Variants in ZEB2 observed in about 807,000 individuals in gnomAD.
ZEB2 encodes zinc finger E-box binding homeobox 2.
In ZEB2, 6 loss-of-function variants were observed where a neutral mutation model predicts 99.9. That is an observed-to-expected ratio of 0.06 (90% confidence interval 0.03 to 0.12). ZEB2 has a LOEUF of 0.12. Ranked by LOEUF, ZEB2 falls within the 10% of genes least tolerant of loss-of-function variation. The pLI is 1.00. For missense variants in ZEB2, 969 were observed against 1,502.8 expected (o/e 0.64, Z 5.87); for synonymous variants, 517 against 542.5 (o/e 0.95, Z 0.65).
chr2:144,493,237 T>C (rs1434421721), intron 2 of ZEB2, among the ~76,000 whole-genome samples: 2 of 152,166 alleles, frequency 1.3e-5, no homozygotes, highest in Non-Finnish European at 2.9e-5. Flanking sequence ...GCCCAGAAAC[T>C]GAAGTGCCTC....
At chr2:144,433,453 A>AT (rs1315336836) in intron 2 of ZEB2, among the ~76,000 whole-genome samples, 2 of 152,326 alleles carry the variant, frequency 1.3e-5, no homozygotes, top group Admixed American at 1.3e-4. Context: ...TATGAAGGGC[A>AT]TAAGAATTAC....
At chr2:144,517,457 G>A in intron 1 of ZEB2, 38 bp from the exon 2 acceptor site, 2 of 1,429,762 alleles carry the variant, frequency 1.4e-6, no homozygotes, top group Non-Finnish European at 2.0e-6. Flanking sequence ...GGCATCGCCC[G>A]CGCCCATTGA....
At chr2:144,407,075 G>C (rs2149880688) in intron 4 of ZEB2, among the ~76,000 whole-genome samples, 1 of 152,284 alleles carries the variant, frequency 6.6e-6, no homozygotes, top group East Asian at 1.9e-4. Context: ...AAGAACACTA[G>C]AATTCTAAAA....
At chr2:144,511,863 T>A (rs1465493260) in intron 2 of ZEB2, 1 of 1,287,242 alleles carries the variant, frequency 7.8e-7, no homozygotes, top group South Asian at 1.2e-5. Context: ...TGCTCTGAAT[T>A]ATTTTTTTCA....
intron 2 of ZEB2, 129 bp from the exon 3 acceptor site, chr2:144,430,155 T>G: frequency 7.6e-7 from 1 of 1,309,018 alleles, no homozygotes. Context: ...GTCAGGAAAA[T>G]ATAATTAATA....
At chr2:144,396,270 G>T in intron 9 of ZEB2, 142 bp downstream of exon 9, 1 of 1,104,502 alleles carries the variant, frequency 9.1e-7, no homozygotes, top group Non-Finnish European at 1.4e-6. Context: ...AAGTCCTACT[G>T]AGCTCGGCAA....
At chr2:144,407,590 A>T (rs941538906) in intron 4 of ZEB2, among the ~76,000 whole-genome samples, 1 of 152,220 alleles carries the variant, frequency 6.6e-6, no homozygotes, top group Non-Finnish European at 1.5e-5. Flanking sequence ...TTTGATGGGA[A>T]GAAAGGATAA....
chr2:144,428,713 C>T (rs1165227230), intron 3 of ZEB2: 4 of 152,082 alleles, frequency 2.6e-5, no homozygotes, highest in African/African-American at 9.7e-5. Flanking sequence ...TTTTATTATC[C>T]TCCTTCCAGT....
At chr2:144,504,458 T>G (rs1704925278) in intron 2 of ZEB2, 1 of 152,416 alleles carries the variant, frequency 6.6e-6, no homozygotes. Flanking sequence ...TGCTGTCAGT[T>G]TGCTGCCTGT....
At chr2:144,420,468 G>A (rs1324222142) in intron 4 of ZEB2, among the ~76,000 whole-genome samples, 1 of 152,144 alleles carries the variant, frequency 6.6e-6, no homozygotes, top group African/African-American at 2.4e-5. Flanking sequence ...CAATGAGGTA[G>A]ATACCAGGAT....
rs1164134260 is a variant in ZEB2, at chr2:144,491,040, C to T, written c.73+26238G>A. On this transcript the variant is annotated intron_variant, in intron 2 of 9. Coordinates refer to ENST00000627532, the MANE Select transcript of ZEB2 (RefSeq NM_014795.4). ...CCGTGCGTTGAGGACTCCCCGAGTA[C>T]GCATTGACACGATAGACCGGAACAG... 3.3e-5 allele frequency among the ~76,000 whole-genome samples: 5 copies of T among 152,172 alleles called. No homozygotes were observed. The South Asian group carries it at 6.2e-4, about 19-fold the overall frequency.
chr2:144,392,172 C>T (rs1703162664), intron 9 of ZEB2, among the ~76,000 whole-genome samples: 1 of 152,174 alleles, frequency 6.6e-6, no homozygotes, highest in African/African-American at 2.4e-5. Context: ...CTAGTTGCTA[C>T]GGCGTGTATG....
intron 2 of ZEB2, chr2:144,512,700 C>A (rs1354572217): frequency 7.8e-7 from 1 of 1,287,208 alleles, no homozygotes; most frequent in African/African-American, 1.5e-5. Flanking sequence ...ACTGGCTCTG[C>A]TACGAAGGAA....
intron 2 of ZEB2, among the ~76,000 whole-genome samples, chr2:144,492,914 T>C (rs1463000884): frequency 2.0e-5 from 3 of 152,344 alleles, no homozygotes; most frequent in Non-Finnish European, 2.9e-5. Flanking sequence ...TTGTATGTCA[T>C]GGCCTGAGCT....
chr2:144,432,463 T>C (rs1196649196), intron 2 of ZEB2, among the ~76,000 whole-genome samples: 1 of 152,182 alleles, frequency 6.6e-6, no homozygotes, highest in Admixed American at 6.6e-5. Context: ...ACATAGTTTT[T>C]ATATCTGAAT....
chr2:144,386,021 G>A lies in ZEB2; in HGVS notation c.*3430C>T, dbSNP rs1240436870. ...GCATCTCTCTTCCCAGTTATTTCAG[G>A]CCTAAGCTTACAGTGTCATGTGAAG... is the stretch of plus-strand genomic sequence containing the variant. On this transcript the variant is annotated 3_prime_UTR_variant, in exon 10 of 10. Coordinates refer to ENST00000627532, the MANE Select transcript of ZEB2 (RefSeq NM_014795.4). The A allele has an allele frequency of 1.3e-5, 2 of 152,040 alleles. No individual in the cohort carries two copies. The highest frequency in any genetic ancestry group is 4.8e-5 in the African/African-American group (2 of 41,390). The allele number at this position is 152,040 out of a possible 1,614,324, so 9.4% of individuals were successfully genotyped here.
chr2:144,510,898 T>C (rs1334999068), intron 2 of ZEB2, among the ~76,000 whole-genome samples: 6 of 152,168 alleles, frequency 3.9e-5, no homozygotes, highest in Non-Finnish European at 8.8e-5. Context: ...CAGGTCAGCA[T>C]TGATGTGAGC....
At chr2:144,519,027 A>G (rs1295402853) in intron 1 of ZEB2, among the ~76,000 whole-genome samples, 16 of 152,138 alleles carry the variant, frequency 1.1e-4, no homozygotes. Flanking sequence ...GGAGATAAAC[A>G]CATTCATGTT....
intron 2 of ZEB2, among the ~76,000 whole-genome samples, chr2:144,511,040 CCTCT>C (rs777444296): frequency 6.6e-5 from 10 of 152,142 alleles, no homozygotes; most frequent in Non-Finnish European, 1.2e-4. Context: ...GTTTTTTTCC[CCTCT>C]CTAATTTACT....
Sources: allele counts gnomAD v4.1 joint callset (sites outside exome capture counted in the v4.1 genomes callset), GRCh38; gene constraint gnomAD v4.1.1; transcripts MANE v1.5; gene names NCBI Gene and HGNC (gene_info 2026-07-23, HGNC 2026-07-21).